The following CDK17 variants were observed in gnomAD, a reference collection of about 807,000 sequenced individuals.
CDK17 encodes the protein cyclin dependent kinase 17.
A neutral mutation model predicts 77.6 loss-of-function variants in CDK17; 24 were observed. The observed-to-expected ratio is 0.31, with a 90% CI of 0.22 to 0.44. The LOEUF is 0.44. Ranked by LOEUF, CDK17 falls within the 20% of genes least tolerant of loss-of-function variation. The pLI is 1.00. For missense variants in CDK17, 429 were observed against 622.5 expected, an observed-to-expected ratio of 0.69 and a Z score of 3.31; for synonymous variants, 203 against 210.4, an observed-to-expected ratio of 0.96 and a Z score of 0.30.
intron 1 of CDK17, among the ~76,000 whole-genome samples, chr12:96,369,855 C>T (rs926142417): frequency 3.3e-5 from 5 of 152,066 alleles, no homozygotes; most frequent in African/African-American, 4.8e-5. Flanking sequence ...CTGAGGTGGG[C>T]GGATCACGAG....
intron 1 of CDK17, among the ~76,000 whole-genome samples, chr12:96,371,516 G>A (rs1212095727): frequency 6.6e-6 from 1 of 152,096 alleles, no homozygotes; most frequent in Non-Finnish European, 1.5e-5. Flanking sequence ...ATTTCAGCAG[G>A]GCACAGTGGC....
intron 1 of CDK17, among the ~76,000 whole-genome samples, chr12:96,348,689 A>G (rs1953266795): frequency 6.6e-6 from 1 of 152,190 alleles, no homozygotes; most frequent in East Asian, 1.9e-4. Context: ...AATGCTATGA[A>G]CAATTATATG....
At chr12:96,342,329 G>C (rs982725937) in intron 1 of CDK17, among the ~76,000 whole-genome samples, 1 of 152,192 alleles carries the variant, frequency 6.6e-6, no homozygotes, top group East Asian at 1.9e-4. Context: ...TACAGAATGA[G>C]GAATAACCAG....
chr12:96,312,009 A>C (rs1415050871), intron 4 of CDK17, among the ~76,000 whole-genome samples: 1 of 152,214 alleles, frequency 6.6e-6, no homozygotes, highest in Non-Finnish European at 1.5e-5. Flanking sequence ...GGGATACAGA[A>C]AGAAGTCTTT....
In CDK17 at chr12:96,376,281, T is replaced by C. The variant is rs188548353; in HGVS notation, c.-30+23705A>G. On this transcript the variant is annotated intron_variant, in intron 1 of 16. Transcript: ENST00000261211. Reference sequence around the variant, plus strand: ...CACTTTCTAAGACACTGAAAAAGCTTACCTCAAAACTCTTACCTTGGTATG... The same window carrying C: ...CACTTTCTAAGACACTGAAAAAGCTCACCTCAAAACTCTTACCTTGGTATG... Among the ~76,000 whole-genome samples the C allele has an allele frequency of 2.0e-3, 307 of 152,330 alleles. 1 individual carries two copies. The highest frequency in any genetic ancestry group is 6.7e-3 in the African/African-American group (279 of 41,560).
Position 96,383,404 on chromosome 12 carries a change from GA to G in CDK17, c.-30+16581del, listed in dbSNP as rs57708359. Reference sequence around the variant, plus strand: ...AATGTAATTCTTCACAAAATTAGAAGAAAAAAAAAAAAAACTCTTCTAAGAT... The same window carrying G: ...AATGTAATTCTTCACAAAATTAGAAGAAAAAAAAAAAAACTCTTCTAAGAT... On this transcript the variant is annotated intron_variant, in intron 1 of 16. Coordinates refer to ENST00000261211, the MANE Select transcript of CDK17 (RefSeq NM_002595.5). Among the ~76,000 whole-genome samples, 125 of 137,160 alleles carry G rather than the reference GA, an allele frequency of 9.1e-4. 1 individual carries two copies. The highest frequency in any genetic ancestry group is 1.0e-3 in the Non-Finnish European group (63 of 63,088). 90.0% of individuals were successfully genotyped at this position (137,160 alleles called of 152,430 possible).
chr12:96,366,409 C>G (rs1953583345), intron 1 of CDK17, among the ~76,000 whole-genome samples: 1 of 152,084 alleles, frequency 6.6e-6, no homozygotes, highest in African/African-American at 2.4e-5. Flanking sequence ...ACTCTTAGTT[C>G]TAGGTATAAT....
chr12:96,297,757 G>T (rs1479721443), intron 7 of CDK17, 36 bp from the exon 8 acceptor site: 2 of 1,138,518 alleles, frequency 1.8e-6, no homozygotes, highest in Non-Finnish European at 1.3e-6. Context: ...TTAGTCTGTG[G>T]CAGTCTTTAT....
In CDK17 at chr12:96,313,411, A is replaced by G; in HGVS notation, c.327T>C (p.Ser109=). The change falls in exon 4 of 17, where the codon AGT becomes AGC. Residue 109 remains serine, a synonymous_variant. Coordinates refer to ENST00000261211, the MANE Select transcript of CDK17 (RefSeq NM_002595.5). ...CAGATGATGTCCCAGAAGCTTGGTCACTCTCACCATCTGATCCCATTTTTA... is the reference window on the plus strand; with the variant it reads ...CAGATGATGTCCCAGAAGCTTGGTCGCTCTCACCATCTGATCCCATTTTTA... ...ENLKMGSDGE[S]DQASGTSSDE... 3 of 1,589,354 alleles carry G rather than the reference A, an allele frequency of 1.9e-6. No individual in the cohort carries two copies. Among genetic ancestry groups the G allele is most frequent in the Non-Finnish European group, 2.6e-6 (3 of 1,169,060 alleles).
chr12:96,375,510 CTTTTTTTTTTT>C (rs34451499), intron 1 of CDK17, among the ~76,000 whole-genome samples: 2 of 101,590 alleles, frequency 2.0e-5, no homozygotes, highest in South Asian at 3.0e-4. Context: ...TGATCCTAAC[CTTTTTTTTTTT>C]TTTTTTTTTT....
chr12:96,354,093 T>C (rs888329900), intron 1 of CDK17, among the ~76,000 whole-genome samples: 2 of 152,172 alleles, frequency 1.3e-5, no homozygotes, highest in Admixed American at 6.5e-5. Flanking sequence ...GAGACATCAA[T>C]TCTGACAAGT....
chr12:96,328,448 G>A (rs1952919574), intron 2 of CDK17, among the ~76,000 whole-genome samples: 1 of 152,126 alleles, frequency 6.6e-6, no homozygotes. Flanking sequence ...CCTGATGCCA[G>A]AAAGGTTGGG....
intron 4 of CDK17, among the ~76,000 whole-genome samples, chr12:96,312,182 C>A (rs1045840189): frequency 2.0e-5 from 3 of 152,060 alleles, no homozygotes; most frequent in African/African-American, 7.2e-5. Context: ...GGGGCTAAGG[C>A]AGGAGGATCA....
rs1953395743 is a variant in CDK17 at position 96,356,447 on chromosome 12, C to T, written c.-29-21582G>A. ...AGTCGCTGGGACTTACAGGTATGCA[C>T]CATCACACCTAGCTAATATTTGTTT... On this transcript the variant is annotated intron_variant, in intron 1 of 16. Transcript: ENST00000261211. Among the ~76,000 whole-genome samples, 6 of 152,278 alleles carry T rather than the reference C, an allele frequency of 3.9e-5. No homozygotes were observed. In the South Asian group the frequency reaches 1.2e-3, roughly 32 times the overall value.
At chr12:96,283,719 T>C in intron 13 of CDK17, 74 bp from the exon 14 acceptor site, 1 of 962,694 alleles carries the variant, frequency 1.0e-6, no homozygotes, top group East Asian at 2.4e-5. Context: ...AACTATTTTC[T>C]AAGTGTTTTA....
chr12:96,338,856 T>A (rs956851583), intron 1 of CDK17, among the ~76,000 whole-genome samples: 13 of 152,130 alleles, frequency 8.5e-5, no homozygotes, highest in South Asian at 6.2e-4. Context: ...GCAGTTTCAG[T>A]GGTATTTATT....
At chr12:96,366,303 C>A (rs1308218365) in intron 1 of CDK17, among the ~76,000 whole-genome samples, 5 of 152,174 alleles carry the variant, frequency 3.3e-5, no homozygotes, top group Non-Finnish European at 5.9e-5. Context: ...ACAGATGTTA[C>A]CCTTCCTACA....
At chr12:96,370,993 C>G (rs1953682308) in intron 1 of CDK17, among the ~76,000 whole-genome samples, 1 of 152,244 alleles carries the variant, frequency 6.6e-6, no homozygotes, top group Non-Finnish European at 1.5e-5. Context: ...GAAATCAGAT[C>G]TTCTAAATTG....
At chr12:96,345,123 C>T (rs892102458) in intron 1 of CDK17, among the ~76,000 whole-genome samples, 2 of 152,214 alleles carry the variant, frequency 1.3e-5, no homozygotes, top group Non-Finnish European at 2.9e-5. Flanking sequence ...ATAATGGTTT[C>T]CAGCCTTAAC....
Sources: allele counts gnomAD v4.1 joint callset (sites outside exome capture counted in the v4.1 genomes callset), GRCh38; gene constraint gnomAD v4.1.1; transcripts MANE v1.5; gene names NCBI Gene and HGNC (gene_info 2026-07-23, HGNC 2026-07-21).